FNDC3B: variants seen among roughly 807,000 people sequenced by gnomAD.
The protein encoded by FNDC3B is fibronectin type III domain containing 3B, also known as fibronectin type III domain-containing protein 3B.
Under a neutral mutation model 151.5 loss-of-function variants are expected in FNDC3B, and 12 were observed. The ratio of observed to expected loss-of-function variants is 0.08; its 90% CI spans 0.05 to 0.13. FNDC3B has a LOEUF of 0.13. Among genes scored for constraint, FNDC3B ranks in the 10% least tolerant of loss-of-function variants. The pLI, the probability that FNDC3B is intolerant of heterozygous loss-of-function variation, is 1.00. For missense variants in FNDC3B, 1,214 were observed against 1,505.3 expected (o/e 0.81, Z 3.20); for synonymous variants, 528 against 549.0 (o/e 0.96, Z 0.54).
At chr3:172,042,669 G>A (rs114601906) in intron 1 of FNDC3B, among the ~76,000 whole-genome samples, 1 of 152,130 alleles carries the variant, frequency 6.6e-6, no homozygotes. Flanking sequence ...TACAGAGAGA[G>A]AGTAACTTGC....
At chr3:172,253,017 T>TA (rs923985989) in intron 6 of FNDC3B, among the ~76,000 whole-genome samples, 8 of 152,152 alleles carry the variant, frequency 5.3e-5, no homozygotes, top group South Asian at 4.2e-4. Context: ...GAACTCATAC[T>TA]AAAAAAAATT....
intron 3 of FNDC3B, among the ~76,000 whole-genome samples, chr3:172,205,871 T>C (rs893528175): frequency 6.6e-6 from 1 of 152,198 alleles, no homozygotes; most frequent in Non-Finnish European, 1.5e-5. Flanking sequence ...TTGAATTACA[T>C]TGTGGTCTAG....
chr3:172,252,847 A>G (rs901578728), intron 6 of FNDC3B, among the ~76,000 whole-genome samples: 5 of 152,218 alleles, frequency 3.3e-5, no homozygotes, highest in African/African-American at 7.2e-5. Flanking sequence ...ACATAAATCA[A>G]TATCATACAA....
chr3:172,378,413 A>G lies in FNDC3B; in HGVS notation c.3152A>G (p.Lys1051Arg). The change falls in exon 24 of 26, where the codon AAA (lysine) becomes AGA (arginine). Residue 1051 changes from lysine (K) to arginine (R), a missense_variant. Lys to Arg is a conservative substitution (Grantham distance 26). Transcript: ENST00000415807. ...FSETYTFSTT[K>R]SVPPTIKAPR... ...GAAACCTATACCTTCAGCACAACCAAAAGTGTCCCCCCCACCATCAAAGGT... is the reference window on the plus strand; with the variant it reads ...GAAACCTATACCTTCAGCACAACCAGAAGTGTCCCCCCCACCATCAAAGGT... 6.2e-7 allele frequency: 1 copy of G among 1,612,634 alleles called. No homozygotes were observed. Among genetic ancestry groups the G allele is most frequent in the East Asian group, 2.2e-5 (1 of 44,850 alleles).
intron 2 of FNDC3B, among the ~76,000 whole-genome samples, chr3:172,127,885 T>C (rs971606428): frequency 1.3e-5 from 2 of 152,190 alleles, no homozygotes; most frequent in African/African-American, 4.8e-5. Flanking sequence ...CTCTAACTCC[T>C]GATGTCAAGT....
chr3:172,388,095 A>G (rs557283456), intron 25 of FNDC3B, among the ~76,000 whole-genome samples: 10 of 152,312 alleles, frequency 6.6e-5, no homozygotes, highest in South Asian at 2.1e-4. Context: ...AGATCATTCA[A>G]TCATGAGAAG....
intron 10 of FNDC3B, among the ~76,000 whole-genome samples, chr3:172,308,757 C>T (rs1270550985): frequency 6.6e-6 from 1 of 152,138 alleles, no homozygotes; most frequent in African/African-American, 2.4e-5. Context: ...TCAGTGATTC[C>T]CCACCTTTTC....
chr3:172,366,845 G>A (rs1294939382), intron 23 of FNDC3B, among the ~76,000 whole-genome samples: 2 of 152,210 alleles, frequency 1.3e-5, no homozygotes, highest in Admixed American at 1.3e-4. Context: ...GACTAGTGAT[G>A]AAGACTTGAG....
At chr3:172,184,343 A>G (rs991991771) in intron 3 of FNDC3B, 1 of 152,206 alleles carries the variant, frequency 6.6e-6, no homozygotes, top group East Asian at 1.9e-4. Context: ...AAACAAATAA[A>G]CATATACCAG....
chr3:172,160,767 T>A (rs1401811560), intron 3 of FNDC3B, among the ~76,000 whole-genome samples: 1 of 152,386 alleles, frequency 6.6e-6, no homozygotes, highest in East Asian at 1.9e-4. Context: ...AAAATAAAGA[T>A]GCTGCATAAT....
At chr3:172,355,544 A>G (rs954864298) in intron 22 of FNDC3B, among the ~76,000 whole-genome samples, 50 of 152,112 alleles carry the variant, frequency 3.3e-4, no homozygotes, top group Admixed American at 3.1e-3. Flanking sequence ...TTGGTGCTTT[A>G]ATTAGCCTTT....
chr3:172,173,805 G>A (rs1398412102), intron 3 of FNDC3B, among the ~76,000 whole-genome samples: 3 of 140,382 alleles, frequency 2.1e-5, no homozygotes, highest in Non-Finnish European at 3.1e-5. Flanking sequence ...GGGCAACAGA[G>A]CAAGACCCTG....
At chr3:172,323,403 C>T (rs898408585) in intron 11 of FNDC3B, among the ~76,000 whole-genome samples, 8 of 152,044 alleles carry the variant, frequency 5.3e-5, no homozygotes, top group East Asian at 1.9e-4. Flanking sequence ...ATCTTAGCTA[C>T]TCAGGAGGCT....
chr3:172,184,148 T>G (rs1724056286), intron 3 of FNDC3B: 1 of 152,128 alleles, frequency 6.6e-6, no homozygotes, highest in Non-Finnish European at 1.5e-5. Flanking sequence ...AGTGATGGGG[T>G]GGAAATTTGT....
chr3:172,229,137 A>ACACACACACACACAC (rs1726757154), intron 4 of FNDC3B, among the ~76,000 whole-genome samples: 2 of 118,094 alleles, frequency 1.7e-5, no homozygotes, highest in Admixed American at 8.7e-5. Flanking sequence ...ACACACACAC[A>ACACACACACACACAC]ATCTCCTGCA....
intron 4 of FNDC3B, among the ~76,000 whole-genome samples, chr3:172,245,386 A>G (rs983662742): frequency 2.2e-4 from 33 of 152,198 alleles, no homozygotes; most frequent in African/African-American, 7.0e-4. Flanking sequence ...CCTCTAGAAA[A>G]CAAGTACTTT....
chr3:172,200,157 C>A (rs1725071093), intron 3 of FNDC3B, among the ~76,000 whole-genome samples: 1 of 152,146 alleles, frequency 6.6e-6, no homozygotes, highest in Non-Finnish European at 1.5e-5. Context: ...AAACACATAC[C>A]CACACTCACT....
At chr3:172,133,581 A>AT (rs935917967) in intron 3 of FNDC3B, 35 bp downstream of exon 3, 24 of 1,466,296 alleles carry the variant, frequency 1.6e-5, no homozygotes, top group Admixed American at 3.4e-5. Context: ...CTAATCAAAG[A>AT]TTTTTTTCTT....
At chr3:172,106,898 G>A (rs1719683141) in intron 1 of FNDC3B, among the ~76,000 whole-genome samples, 1 of 152,194 alleles carries the variant, frequency 6.6e-6, no homozygotes, top group African/African-American at 2.4e-5. Flanking sequence ...TGCAAAAACT[G>A]AAGATCTTTT....
Sources: gnomAD v4.1 joint callset for allele counts (sites outside exome capture counted in the v4.1 genomes callset) on GRCh38, gnomAD v4.1.1 for gene constraint, MANE v1.5 for transcripts, NCBI Gene and HGNC (gene_info 2026-07-23, HGNC 2026-07-21) for gene names.